The following TTC34 variants were observed in gnomAD, a reference collection of about 807,000 sequenced individuals.
The protein encoded by TTC34 is tetratricopeptide repeat domain 34, also known as tetratricopeptide repeat protein 34.
TTC34 carries 44 observed loss-of-function variants against 40.7 expected under a neutral mutation model. The ratio of observed to expected loss-of-function variants is 1.08; its 90% confidence interval spans 0.85 to 1.39. TTC34 has a LOEUF of 1.39. Among genes scored for constraint, TTC34 ranks in the 40% most tolerant of loss-of-function variants. TTC34 has a pLI of 0.00. For missense variants in TTC34, 884 were observed against 838.0 expected, an observed-to-expected ratio of 1.05 and a Z score of -0.68; for synonymous variants, 422 against 398.6, an observed-to-expected ratio of 1.06 and a Z score of -0.70.
chr1:2,677,626 TGACAGCCTGGAACAGCACACACACC>T (rs1211401045), intron 6 of TTC34, among the ~76,000 whole-genome samples: 1 of 140,196 alleles, frequency 7.1e-6, no homozygotes, highest in Non-Finnish European at 1.5e-5. Flanking sequence ...GGTGAGCATC[TGACAGCCTGGAACAGCACACACACC>T]CCCAGGCGAG....
At chr1:2,797,599 G>A (rs1643721044) in intron 2 of TTC34, among the ~76,000 whole-genome samples, 1 of 152,172 alleles carries the variant, frequency 6.6e-6, no homozygotes. Context: ...TGCTGTGCAT[G>A]TTTACTGAAT....
chr1:2,778,093 G>A (rs549924469), intron 6 of TTC34, among the ~76,000 whole-genome samples: 1 of 152,336 alleles, frequency 6.6e-6, no homozygotes, highest in African/African-American at 2.4e-5. Flanking sequence ...GCCTGCCAGT[G>A]GGAAACTTGG....
chr1:2,645,763 T>C lies in TTC34; in HGVS notation c.2227-200A>G, dbSNP rs1639009817. On this transcript the variant is annotated intron_variant, in intron 6 of 8. Coordinates refer to ENST00000401095, the Ensembl canonical transcript of TTC34. The surrounding 1 kb of genome is among the most constrained non-coding windows in gnomAD (Gnocchi z 4.7). ...TCCTACCATCCCTCCTGATTCTGGT[T>C]AGCATTTGAGGGGACTCAGCTCACT... is the stretch of plus-strand genomic sequence containing the variant. 1.3e-5 allele frequency among the ~76,000 whole-genome samples: 2 copies of C among 152,144 alleles called. No individual in the cohort carries two copies. The highest frequency in any genetic ancestry group is 2.9e-5 in the Non-Finnish European group (2 of 68,014).
intron 3 of TTC34, among the ~76,000 whole-genome samples, chr1:2,788,822 G>A (rs1236658917): frequency 1.3e-5 from 2 of 152,138 alleles, no homozygotes; most frequent in South Asian, 2.1e-4. Context: ...GGCCAGGCGC[G>A]GTGGCTCACC....
intron 6 of TTC34, among the ~76,000 whole-genome samples, chr1:2,760,241 ACC>A (rs1641653321): frequency 1.1e-5 from 1 of 87,576 alleles, no homozygotes; most frequent in African/African-American, 6.7e-5. Context: ...AGCACCCACA[ACC>A]CCAGGCGAGC....
At chr1:2,641,962 C>G in intron 8 of TTC34, 67 bp from the exon 9 acceptor site, 2 of 1,412,538 alleles carry the variant, frequency 1.4e-6, no homozygotes, top group Non-Finnish European at 1.9e-6. Flanking sequence ...CCGCCCCTGC[C>G]CTGCAGAGGT....
exon 3 of TTC34, chr1:2,789,639 T>C: frequency 7.4e-7 from 1 of 1,360,180 alleles, no homozygotes; most frequent in Non-Finnish European, 9.4e-7. Flanking sequence ...CCCCGCTGGT[T>C]CCAGGGCACG....
chr1:2,677,781 A>T (rs1299026449), intron 6 of TTC34, among the ~76,000 whole-genome samples: 2 of 71,650 alleles, frequency 2.8e-5, no homozygotes, highest in Non-Finnish European at 6.3e-5. Flanking sequence ...CCCCCAGGTG[A>T]GCATCTGACC....
intron 6 of TTC34, among the ~76,000 whole-genome samples, chr1:2,755,074 C>T (rs1407809835): frequency 5.2e-4 from 13 of 25,120 alleles, no homozygotes; most frequent in East Asian, 1.7e-3. Context: ...CAGGTGCGCA[C>T]GTGACAGCCT....
chr1:2,783,536 G>A (rs1569954737), intron 6 of TTC34, 73 bp downstream of exon 6: 3 of 1,290,588 alleles, frequency 2.3e-6, no homozygotes, highest in Non-Finnish European at 3.0e-6. Flanking sequence ...CTCTCTCCTT[G>A]GGGTGGAGGA....
intron 6 of TTC34, among the ~76,000 whole-genome samples, chr1:2,757,968 T>A (rs1641562331): frequency 7.3e-6 from 1 of 136,414 alleles, no homozygotes; most frequent in African/African-American, 3.0e-5. Context: ...GGTGAGGATC[T>A]GACCGCCTGG....
chr1:2,787,371 G>T, intron 4 of TTC34, 110 bp downstream of exon 4: 1 of 1,038,456 alleles, frequency 9.6e-7, no homozygotes, highest in Non-Finnish European at 1.3e-6. Flanking sequence ...CAGTCGCCTG[G>T]TCCAAAGCCC....
chr1:2,695,749 C>A (rs1326477521), intron 6 of TTC34, among the ~76,000 whole-genome samples: 1 of 151,638 alleles, frequency 6.6e-6, no homozygotes, highest in East Asian at 1.9e-4. Context: ...TGGAACAGCA[C>A]CCACACCCCC....
intron 6 of TTC34, among the ~76,000 whole-genome samples, chr1:2,761,344 G>T (rs1226960516): frequency 1.9e-4 from 12 of 62,028 alleles, no homozygotes; most frequent in Middle Eastern, 7.2e-3. Context: ...GTATCTGACA[G>T]CCTGGAGCAG....
chr1:2,686,873 A>T (rs1640383000), intron 6 of TTC34, among the ~76,000 whole-genome samples: 3 of 140,996 alleles, frequency 2.1e-5, no homozygotes, highest in African/African-American at 8.2e-5. Flanking sequence ...AGCCTGGAGC[A>T]GCACCCACAC....
chr1:2,642,282 C>T (rs1638922690), intron 8 of TTC34, among the ~76,000 whole-genome samples: 2 of 152,192 alleles, frequency 1.3e-5, no homozygotes, highest in South Asian at 2.1e-4. Flanking sequence ...GGCCCAGGTT[C>T]CCTTGACTGG....
At chr1:2,651,508 GCAC>G (rs1290133661) in intron 6 of TTC34, among the ~76,000 whole-genome samples, 7 of 150,324 alleles carry the variant, frequency 4.7e-5, no homozygotes, top group Non-Finnish European at 8.9e-5. Context: ...GCCTAGAATG[GCAC>G]CACCACACTT....
chr1:2,684,853 T>G (rs1570808887), intron 6 of TTC34, among the ~76,000 whole-genome samples: 2 of 104,038 alleles, frequency 1.9e-5, no homozygotes, highest in African/African-American at 4.9e-5. Context: ...GGTGAGCATC[T>G]GACAGCCTGG....
chr1:2,681,383 A>T (rs1222354012), intron 6 of TTC34, among the ~76,000 whole-genome samples: 1 of 59,812 alleles, frequency 1.7e-5, no homozygotes, highest in Non-Finnish European at 3.8e-5. Flanking sequence ...CAGCACACAC[A>T]CCCCCAGGCG....
Sources: gnomAD v4.1 joint callset for allele counts (sites outside exome capture counted in the v4.1 genomes callset) on GRCh38, gnomAD v4.1.1 for gene constraint, Gnocchi (gnomAD v3.1) non-coding constraint, MANE v1.5 for transcripts, NCBI Gene and HGNC (gene_info 2026-07-23, HGNC 2026-07-21) for gene names.